Variants in CARS1 observed in about 807,000 individuals in gnomAD.
The protein encoded by CARS1 is cysteine--tRNA ligase, cytoplasmic.
In CARS1, 48 loss-of-function variants were observed where a neutral mutation model predicts 106.2. That is an observed-to-expected ratio of 0.45 (90% CI 0.36 to 0.57). The LOEUF is 0.57. Ranked by LOEUF, CARS1 falls within the 20% of genes least tolerant of loss-of-function variation. The probability of loss-of-function intolerance (pLI) is 0.00; values close to 1 mark genes in which losing one functional copy is unlikely to be tolerated. For missense variants in CARS1, 968 were observed against 1,057.2 expected, an observed-to-expected ratio of 0.92 and a Z score of 1.17; for synonymous variants, 409 against 403.4, an observed-to-expected ratio of 1.01 and a Z score of -0.17.
chr11:3,018,418 T>C lies in CARS1; in HGVS notation c.1619A>G (p.Lys540Arg), dbSNP rs1337331977. Residue 540 changes from lysine (K) to arginine (R), a missense_variant, in exon 14 of 23, where the codon AAG (lysine) becomes AGG (arginine). Lys to Arg is a conservative substitution (Grantham distance 26). Coordinates refer to ENST00000380525, the MANE Select transcript of CARS1 (RefSeq NM_001014437.3). ...NTMESALQYE[K>R]FLNEFFLNVK... is the part of the protein sequence containing the mutation. ...GGGCTGGGGACTCACATTCAAGAACTTCTCATATTGAAGCGCTGACTCCAT... is the reference window on the plus strand; with the variant it reads ...GGGCTGGGGACTCACATTCAAGAACCTCTCATATTGAAGCGCTGACTCCAT... 1 of 1,612,504 alleles carries C rather than the reference T, an allele frequency of 6.2e-7. No individual in the cohort carries two copies. The highest frequency in any genetic ancestry group is 8.5e-7 in the Non-Finnish European group (1 of 1,178,532).
Position 3,017,037 on chromosome 11 carries a change from C to G in CARS1, c.1917+69G>C, listed in dbSNP as rs1338008649. 5.4e-5 allele frequency: 76 copies of G among 1,408,600 alleles called. No individual in the cohort carries two copies. The highest frequency in any genetic ancestry group is 4.3e-4 in the Middle Eastern group (2 of 4,638). The allele number at this position is 1,408,600 out of a possible 1,614,324, so 87.3% of individuals were successfully genotyped here. A position where few individuals can be genotyped will look rare whatever the true frequency, so the allele number is the denominator to read the frequency against. ...GGGGGGCACCAGAGGCCTCTGTTCT[C>G]CCAGTCCTGGGGCCTGGCTCCTGTG... On this transcript the variant is annotated intron_variant, in intron 16 of 22. Coordinates refer to ENST00000380525, the MANE Select transcript of CARS1 (RefSeq NM_001014437.3). The surrounding 1 kb of genome is among the most constrained non-coding windows in gnomAD (Gnocchi z 4.9).
Position 3,034,051 on chromosome 11 carries a change from T to C in CARS1, c.801+3999A>G, listed in dbSNP as rs1258727497. 1.3e-5 allele frequency among the ~76,000 whole-genome samples: 2 copies of C among 152,242 alleles called. No individual in the cohort carries two copies. The highest frequency in any genetic ancestry group is 2.1e-4 in the South Asian group (1 of 4,826). On this transcript the variant is annotated intron_variant, in intron 7 of 22. Coordinates refer to ENST00000380525, the MANE Select transcript of CARS1 (RefSeq NM_001014437.3). The surrounding 1 kb of genome is among the most constrained non-coding windows in gnomAD (Gnocchi z 6.3). ...CTTGCCTTGGCCTCCCAAGGTGCTA[T>C]GATTACAGGAACGAGCCACTGCACC...
At chr11:3,007,136 G>A (rs1849959009) in intron 18 of CARS1, 177 bp from the exon 19 acceptor site, 1 of 609,008 alleles carries the variant, frequency 1.6e-6, no homozygotes, top group Non-Finnish European at 2.9e-6. Context: ...GTGCTTGGGA[G>A]GGAGGGCCCA....
At chr11:3,015,883 G>A (rs542287105) in intron 16 of CARS1, 34 bp from the exon 17 acceptor site, 66 of 1,580,822 alleles carry the variant, frequency 4.2e-5, no homozygotes, top group East Asian at 2.2e-4. Flanking sequence ...CTGAAGCTGC[G>A]GCAAGATGAA....
In CARS1 at chr11:3,012,219, G is replaced by A. The variant is rs1438541322; in HGVS notation, c.2044C>T (p.Arg682Trp). Residue 682 changes from arginine to tryptophan, a missense_variant, in exon 18 of 23, where the codon CGG becomes TGG. Arg to Trp is a moderately radical substitution (Grantham distance 101, BLOSUM62 -3). Transcript: ENST00000380525. ...QVLSEFREGV[R>W]KIAREQKVPE... ...CCTTTTTGCTCTCGGGCAATCTTCC[G>A]CACTCCTTCTCGGAATTCTGATAAC... 3 of 1,614,082 alleles carry A rather than the reference G, an allele frequency of 1.9e-6. No individual in the cohort carries two copies. The highest frequency in any genetic ancestry group is 1.7e-5 in the Admixed American group (1 of 60,016).
intron 2 of CARS1, among the ~76,000 whole-genome samples, chr11:3,047,380 A>G (rs192956473): frequency 6.6e-6 from 1 of 152,284 alleles, no homozygotes; most frequent in African/African-American, 2.4e-5. Flanking sequence ...AGAAATAAAG[A>G]GAAAGAACTG....
At chr11:3,024,321 CT>C (rs1851845367) in intron 10 of CARS1, among the ~76,000 whole-genome samples, 1 of 152,198 alleles carries the variant, frequency 6.6e-6, no homozygotes, top group Non-Finnish European at 1.5e-5. Context: ...TTAAACACCC[CT>C]GATTTCCCAC....
intron 2 of CARS1, 152 bp from the exon 3 acceptor site, chr11:3,042,408 C>T (rs1425950958): frequency 1.5e-5 from 9 of 590,172 alleles, no homozygotes; most frequent in Middle Eastern, 3.4e-4. Context: ...GTCAACATTA[C>T]GCAGGTCAAA....
intron 9 of CARS1, chr11:3,027,925 T>C (rs1852277784): frequency 6.7e-6 from 3 of 449,864 alleles, no homozygotes; most frequent in South Asian, 4.7e-5. Context: ...CCTCCACCTC[T>C]TGTGGAGGGC....
chr11:3,047,635 T>C (rs1855233776), intron 2 of CARS1, 118 bp downstream of exon 2: 1 of 1,374,686 alleles, frequency 7.3e-7, no homozygotes, highest in Non-Finnish European at 9.9e-7. Flanking sequence ...CGAGACACAC[T>C]TGGGCGAGGC....
intron 21 of CARS1, chr11:3,002,262 T>C: frequency 1.5e-6 from 1 of 647,382 alleles, no homozygotes; most frequent in Non-Finnish European, 2.7e-6. Context: ...ACAGGAATAG[T>C]GGAAAGCTTA....
chr11:3,053,218 TTTTTA>T lies in CARS1; in HGVS notation c.25+4120_25+4124del, dbSNP rs199617458. Among the ~76,000 whole-genome samples, 223 of 152,208 alleles carry T rather than the reference TTTTTA, an allele frequency of 1.5e-3. No homozygotes were observed. Among genetic ancestry groups the T allele is most frequent in the African/African-American group, 3.5e-3 (146 of 41,568 alleles). On this transcript the variant is annotated intron_variant, in intron 1 of 22. Transcript: ENST00000380525. The surrounding 1 kb of genome is among the most constrained non-coding windows in gnomAD (Gnocchi z 6.6). ...CCTATCAGCATTTATTTTTTATTTA[TTTTTA>T]TTTTATTTTATTTTATTTTATTTTT...
In CARS1 at chr11:3,042,285, T is replaced by C. The variant is rs116394269; in HGVS notation, c.275-29A>G. ...GGAGGCAGAGAGAGCAGGATCAGGG[T>C]CCAGGGGCAGCACCAGGAAGTGCAA... On this transcript the variant is annotated intron_variant, in intron 2 of 22. Transcript: ENST00000380525. 1.0e-5 allele frequency: 16 copies of C among 1,574,490 alleles called. No individual in the cohort carries two copies. The African/African-American group carries it at 1.7e-4, about 17-fold the overall frequency.
chr11:3,020,552 C>T lies in CARS1; in HGVS notation c.1154-220G>A, dbSNP rs564882117. ...AAACGGTACATAATCCCCAAAGTCA[C>T]CAGCTTATATACCTGGCTGACTTGA... On this transcript the variant is annotated intron_variant, in intron 10 of 22. Transcript: ENST00000380525. This position sits in a 1 kb window ranked among gnomAD's most constrained non-coding sequence, Gnocchi z 4.6. 1.3e-5 allele frequency among the ~76,000 whole-genome samples: 2 copies of T among 152,214 alleles called. No homozygotes were observed. The highest frequency in any genetic ancestry group is 2.4e-5 in the African/African-American group (1 of 41,436).
In CARS1 at chr11:3,003,647, G is replaced by C. The variant is rs1849598982; in HGVS notation, c.2218-1047C>G. Among the ~76,000 whole-genome samples, 1 of 152,170 alleles carries C rather than the reference G, an allele frequency of 6.6e-6. No individual in the cohort carries two copies. The highest frequency in any genetic ancestry group is 1.5e-5 in the Non-Finnish European group (1 of 68,020). On this transcript the variant is annotated intron_variant, in intron 20 of 22. Transcript: ENST00000380525. The surrounding 1 kb of genome is among the most constrained non-coding windows in gnomAD (Gnocchi z 4.8). ...GGCCAACAGGATCGAGCTCTTTCGAGATAGATGGAGGGAGAGCAGGGCTGG... is the reference window on the plus strand; with the variant it reads ...GGCCAACAGGATCGAGCTCTTTCGACATAGATGGAGGGAGAGCAGGGCTGG...
At chr11:3,047,695 A>C in intron 2 of CARS1, 58 bp downstream of exon 2, 1 of 1,547,710 alleles carries the variant, frequency 6.5e-7, no homozygotes, top group South Asian at 1.2e-5. Context: ...GTGATGGAGA[A>C]AGCCCTTGAC....
At chr11:3,015,661 G>A (rs1233119622) in intron 17 of CARS1, 120 bp downstream of exon 17, 12 of 852,458 alleles carry the variant, frequency 1.4e-5, no homozygotes, top group Admixed American at 5.6e-5. Context: ...AGCTCGAGGC[G>A]CTGTCCGGAA....
In CARS1 at chr11:3,017,535, C is replaced by A; in HGVS notation, c.1728-240G>T. The A allele has an allele frequency of 1.8e-6, 1 of 557,784 alleles. No individual in the cohort carries two copies. The highest frequency in any genetic ancestry group is 3.2e-6 in the Non-Finnish European group (1 of 314,370). 34.6% of individuals were successfully genotyped at this position (557,784 alleles called of 1,614,324 possible). A position where few individuals can be genotyped will look rare whatever the true frequency, so the allele number is the denominator to read the frequency against. ...GCGCATGCCTGTAACCCCAGCTACT[C>A]GGGAGGCTGAGGCAGGAGAATCGCT... On this transcript the variant is annotated intron_variant, in intron 15 of 22. Transcript: ENST00000380525. This position sits in a 1 kb window ranked among gnomAD's most constrained non-coding sequence, Gnocchi z 4.9.
intron 2 of CARS1, among the ~76,000 whole-genome samples, chr11:3,042,617 G>A (rs146189645): frequency 1.7e-3 from 258 of 152,288 alleles, no homozygotes; most frequent in African/African-American, 5.5e-3. Flanking sequence ...CCTGCACAGC[G>A]TGCCCAGCAC....
Sources: gnomAD v4.1 joint callset for allele counts (sites outside exome capture counted in the v4.1 genomes callset) on GRCh38, gnomAD v4.1.1 for gene constraint, Gnocchi (gnomAD v3.1) non-coding constraint, MANE v1.5 for transcripts, NCBI Gene and HGNC (gene_info 2026-07-23, HGNC 2026-07-21) for gene names.